The following WSB1 variants were observed in gnomAD, a reference collection of about 807,000 sequenced individuals.
WSB1 encodes WD repeat and SOCS box containing 1.
In WSB1, 23 loss-of-function variants were observed where a neutral mutation model predicts 50.2. That is an observed-to-expected ratio of 0.46 (90% CI 0.33 to 0.65). The LOEUF (loss-of-function observed/expected upper bound fraction) is 0.65. Among genes scored for constraint, WSB1 ranks in the 30% least tolerant of loss-of-function variants. WSB1 has a pLI of 0.02. For synonymous variants in WSB1, 179 were observed against 172.0 expected, an observed-to-expected ratio of 1.04 and a Z score of -0.32; for missense variants, 492 against 522.3, an observed-to-expected ratio of 0.94 and a Z score of 0.56.
In WSB1 at chr17:27,294,127, C is replaced by T; in HGVS notation, c.-269C>T. ...CATTTTGACTCCAGTGTCTCGTTTG[C>T]AGTCGGCGCTTTAGGGGAACTGTCT... On this transcript the variant is annotated 5_prime_UTR_variant, in exon 1 of 9. Transcript: ENST00000262394. The T allele has an allele frequency of 3.3e-6, 1 of 301,808 alleles. No individual in the cohort carries two copies. Among genetic ancestry groups the T allele is most frequent in the South Asian group, 1.1e-4 (1 of 9,158 alleles). The allele number at this position is 301,808 out of a possible 1,614,324, so 18.7% of individuals were successfully genotyped here.
At chr17:27,303,061 G>T in intron 2 of WSB1, 1 of 225,062 alleles carries the variant, frequency 4.4e-6, no homozygotes, top group Non-Finnish European at 8.7e-6. Flanking sequence ...ATTTATACTT[G>T]TGTTTTTAGG....
At chr17:27,305,624 C>T (rs552148757) in intron 4 of WSB1, among the ~76,000 whole-genome samples, 1 of 152,252 alleles carries the variant, frequency 6.6e-6, no homozygotes, top group African/African-American at 2.4e-5. Flanking sequence ...ACAGGCTTGC[C>T]TAGGGGTAAT....
chr17:27,304,653 A>T, intron 3 of WSB1, 127 bp from the exon 4 acceptor site: 2 of 793,730 alleles, frequency 2.5e-6, no homozygotes, highest in Non-Finnish European at 3.7e-6. Flanking sequence ...TCGAGGCTGT[A>T]GTGAGCCAAG....
At chr17:27,299,700 G>C (rs1192553519) in intron 1 of WSB1, among the ~76,000 whole-genome samples, 1 of 152,168 alleles carries the variant, frequency 6.6e-6, no homozygotes, top group Non-Finnish European at 1.5e-5. Flanking sequence ...AAGTTAGGAT[G>C]GGAAATGGAC....
chr17:27,308,028 T>G, intron 5 of WSB1: 4 of 1,208,088 alleles, frequency 3.3e-6, no homozygotes, highest in Non-Finnish European at 4.1e-6. Flanking sequence ...GATTTTCCAG[T>G]TTTATGGAAT....
intron 1 of WSB1, among the ~76,000 whole-genome samples, chr17:27,301,206 G>T (rs1302014923): frequency 6.6e-6 from 1 of 152,104 alleles, no homozygotes; most frequent in Non-Finnish European, 1.5e-5. Context: ...GGTTTGGAGG[G>T]TTGGACTAGA....
Position 27,303,438 on chromosome 17 carries a change from G to A in WSB1, c.281G>A (p.Gly94Asp). 6.2e-7 allele frequency: 1 copy of A among 1,614,080 alleles called. No individual in the cohort carries two copies. The highest frequency in any genetic ancestry group is 2.2e-5 in the East Asian group (1 of 44,876). Residue 94 changes from glycine to aspartate, a missense_variant, in exon 3 of 9, where the codon GGT (glycine) becomes GAT (aspartate). By Grantham distance (94) the Gly-to-Asp change is moderately conservative. Coordinates refer to ENST00000262394, the MANE Select transcript of WSB1 (RefSeq NM_015626.10). ...TTGCCAAGACAAAATAGTGATGGTG[G>A]TCAGAAAAATAAGCCTCGTGAACAT... ...LRLPRQNSDGGQKNKPREHII... is the reference protein window; with the variant it reads ...LRLPRQNSDGDQKNKPREHII...
intron 1 of WSB1, among the ~76,000 whole-genome samples, chr17:27,295,058 G>GA (rs147546263): frequency 0.012 from 1,784 of 152,322 alleles, 33 homozygotes; most frequent in African/African-American, 0.041. Context: ...GGAAACTCTG[G>GA]AAAAGGCTTT....
chr17:27,312,633 A>G lies in WSB1; in HGVS notation c.*264A>G. 1.4e-5 allele frequency: 5 copies of G among 351,864 alleles called. No homozygotes were observed. In the South Asian group the frequency reaches 1.7e-4, roughly 12 times the overall value. The allele number at this position is 351,864 out of a possible 1,614,324, so 21.8% of individuals were successfully genotyped here. A position where few individuals can be genotyped will look rare whatever the true frequency, so the allele number is the denominator to read the frequency against. ...TGTACATATTTAGATATAAGCTGCT[A>G]TATGTTGAATGGACCCTTTTGCTTT... On this transcript the variant is annotated 3_prime_UTR_variant, in exon 9 of 9. Coordinates refer to ENST00000262394, the MANE Select transcript of WSB1 (RefSeq NM_015626.10).
At position 27,294,334 on chromosome 17, in the gene WSB1, G is replaced by A; in HGVS notation, c.-62G>A. 6.3e-7 allele frequency: 1 copy of A among 1,593,706 alleles called. No individual in the cohort carries two copies. The highest frequency in any genetic ancestry group is 1.7e-5 in the Admixed American group (1 of 58,796). ...CTTGGCGTCACGCCCCTCAGCGGTC[G>A]CCACTCTCTTCTCTGTTGTTGGGTC... On this transcript the variant is annotated 5_prime_UTR_variant, in exon 1 of 9. Coordinates refer to ENST00000262394, the MANE Select transcript of WSB1 (RefSeq NM_015626.10).
At chr17:27,299,112 C>G in intron 1 of WSB1, among the ~76,000 whole-genome samples, 1 of 152,294 alleles carries the variant, frequency 6.6e-6, no homozygotes, top group East Asian at 1.9e-4. Context: ...ACAAATAAGG[C>G]TGTAGGTTTG....
intron 3 of WSB1, 24 bp downstream of exon 3, chr17:27,303,659 C>T: frequency 6.2e-7 from 1 of 1,606,250 alleles, no homozygotes; most frequent in South Asian, 1.1e-5. Context: ...GTTTTTAAAG[C>T]AAATGTATTA....
chr17:27,310,597 G>A (rs753140483), intron 7 of WSB1, among the ~76,000 whole-genome samples: 11 of 152,222 alleles, frequency 7.2e-5, no homozygotes, highest in Non-Finnish European at 8.8e-5. Context: ...CTGCTTGTTG[G>A]TAAGAAGCAG....
intron 6 of WSB1, 134 bp from the exon 7 acceptor site, chr17:27,309,927 C>G: frequency 1.5e-6 from 1 of 660,244 alleles, no homozygotes; most frequent in Non-Finnish European, 2.6e-6. Flanking sequence ...GATGTATCAT[C>G]TCTACTGAGT....
chr17:27,305,677 G>A (rs763850768), intron 4 of WSB1, among the ~76,000 whole-genome samples: 1 of 152,182 alleles, frequency 6.6e-6, no homozygotes, highest in African/African-American at 2.4e-5. Flanking sequence ...CCTCAGATCT[G>A]GAGATGTTCC....
intron 1 of WSB1, among the ~76,000 whole-genome samples, chr17:27,295,592 A>T (rs2016923867): frequency 1.3e-5 from 2 of 150,602 alleles, no homozygotes; most frequent in Non-Finnish European, 2.9e-5. Flanking sequence ...CACACAGAAA[A>T]AAGAAAAAAA....
chr17:27,303,733 A>C, intron 3 of WSB1, 98 bp downstream of exon 3: 1 of 1,449,168 alleles, frequency 6.9e-7, no homozygotes, highest in Non-Finnish European at 9.3e-7. Flanking sequence ...CAGCTTACTG[A>C]AAAGCAAGAA....
chr17:27,310,171 ATAAG>A lies in WSB1; in HGVS notation c.998+4_998+7del, dbSNP rs1318439641. On this transcript the variant is annotated splice_donor_variant and coding_sequence_variant, in exon 7 of 9. Coordinates refer to ENST00000262394, the MANE Select transcript of WSB1 (RefSeq NM_015626.10). LOFTEE classifies it high-confidence loss of function. Reference sequence around the variant, plus strand: ...CTGCATGTTGCAAGCCTTGCTGATGATAAGTAAGTATGTGCATTATAGCTTGACT... The same window carrying A: ...CTGCATGTTGCAAGCCTTGCTGATGATAAGTATGTGCATTATAGCTTGACT... 55 of 1,613,342 alleles carry A rather than the reference ATAAG, an allele frequency of 3.4e-5. No homozygotes were observed. The highest frequency in any genetic ancestry group is 4.4e-5 in the Non-Finnish European group (52 of 1,179,460).
rs560015800 is a variant in WSB1, at chr17:27,294,140, A to T, written c.-256A>T. On this transcript the variant is annotated 5_prime_UTR_variant, in exon 1 of 9. Transcript: ENST00000262394. ...GTGTCTCGTTTGCAGTCGGCGCTTT[A>T]GGGGAACTGTCTTCCTCCGCAGGCG... 9.6e-4 allele frequency: 317 copies of T among 330,204 alleles called. No individual in the cohort carries two copies. Among genetic ancestry groups the T allele is most frequent in the African/African-American group, 6.4e-3 (300 of 46,932 alleles). The allele number at this position is 330,204 out of a possible 1,614,324, so 20.5% of individuals were successfully genotyped here. A position where few individuals can be genotyped will look rare whatever the true frequency, so the allele number is the denominator to read the frequency against.
Sources: allele counts gnomAD v4.1 joint callset (sites outside exome capture counted in the v4.1 genomes callset), GRCh38; gene constraint gnomAD v4.1.1; transcripts MANE v1.5; gene names NCBI Gene and HGNC (gene_info 2026-07-23, HGNC 2026-07-21).